The following SCHIP1 variants were observed in gnomAD, a reference collection of about 807,000 sequenced individuals.
SCHIP1 encodes the protein schwannomin interacting protein 1, also known as schwannomin-interacting protein 1.
A neutral mutation model predicts 29.7 loss-of-function variants in SCHIP1; 8 were observed. The observed-to-expected ratio is 0.27, with a 90% CI of 0.16 to 0.49. The LOEUF (loss-of-function observed/expected upper bound fraction) is 0.49, where lower values mean the gene tolerates loss of function less well. SCHIP1 is among the 20% of genes least tolerant of loss of function. The probability of loss-of-function intolerance (pLI) is 0.99; values close to 1 mark genes in which losing one functional copy is unlikely to be tolerated. For synonymous variants in SCHIP1, 76 were observed against 94.9 expected (o/e 0.80, Z 1.16); for missense variants, 193 against 294.6 (o/e 0.66, Z 2.52).
At chr3:159,588,186 T>C in the SCHIP1 span, among the ~76,000 whole-genome samples, 1 of 152,216 alleles carries the variant, frequency 6.6e-6, no homozygotes. Context: ...TGGTATCTCA[T>C]TGTGATTTTG....
chr3:159,764,910 C>T, the SCHIP1 span: 1 of 1,534,996 alleles, frequency 6.5e-7, no homozygotes, highest in Non-Finnish European at 8.7e-7. This position sits in a 1 kb window ranked among gnomAD's most constrained non-coding sequence, Gnocchi z 6.1. Flanking sequence ...GTTCCCGGGG[C>T]CCCCGCCGGG....
At chr3:159,759,362 T>C in the SCHIP1 span, among the ~76,000 whole-genome samples, 1 of 152,188 alleles carries the variant, frequency 6.6e-6, no homozygotes, top group Non-Finnish European at 1.5e-5. Context: ...GGATTTTTAA[T>C]TAGTGGAGGA....
Position 159,844,822 on chromosome 3 carries a change from A to C in SCHIP1, c.30+4608A>C, listed in dbSNP as rs79804627. On this transcript the variant is annotated intron_variant, in intron 1 of 6. Transcript: ENST00000445224. ...TCATACCTTTCTTGCCATTGCTTAAATTCCCTTATGACCGCCCCAGATATA... is the reference window on the plus strand; with the variant it reads ...TCATACCTTTCTTGCCATTGCTTAACTTCCCTTATGACCGCCCCAGATATA... Among the ~76,000 whole-genome samples the C allele has an allele frequency of 8.3e-4, 127 of 152,330 alleles. 3 individuals are homozygous for C. The East Asian group carries it at 0.019, about 23-fold the overall frequency.
the SCHIP1 span, among the ~76,000 whole-genome samples, chr3:159,766,500 C>T: frequency 6.6e-6 from 1 of 152,128 alleles, no homozygotes; most frequent in Non-Finnish European, 1.5e-5. Context: ...TAGAAAATAT[C>T]CTTTTCCCAC....
At chr3:159,566,562 G>T in the SCHIP1 span, among the ~76,000 whole-genome samples, 1 of 152,186 alleles carries the variant, frequency 6.6e-6, no homozygotes, top group Non-Finnish European at 1.5e-5. Flanking sequence ...GAATAAAGGA[G>T]CAAGGAAGAC....
At chr3:159,412,559 A>G in the SCHIP1 span, among the ~76,000 whole-genome samples, 1 of 152,176 alleles carries the variant, frequency 6.6e-6, no homozygotes, top group African/African-American at 2.4e-5. Context: ...GTGATATATA[A>G]TGATGTGTTA....
the SCHIP1 span, chr3:159,764,661 G>A: frequency 3.8e-6 from 6 of 1,596,294 alleles, no homozygotes; most frequent in Non-Finnish European, 4.3e-6. This position sits in a 1 kb window ranked among gnomAD's most constrained non-coding sequence, Gnocchi z 6.1. Context: ...AGTGGGCGCC[G>A]GAGGAGGACG....
chr3:159,872,885 A>G (rs980649941), intron 2 of SCHIP1, among the ~76,000 whole-genome samples: 3 of 152,184 alleles, frequency 2.0e-5, no homozygotes, highest in Non-Finnish European at 4.4e-5. Flanking sequence ...TATCCCTGAA[A>G]TTCTTCATTG....
the SCHIP1 span, among the ~76,000 whole-genome samples, chr3:159,607,550 G>C: frequency 3.3e-5 from 5 of 152,114 alleles, no homozygotes; most frequent in Non-Finnish European, 5.9e-5. Context: ...GAGGCTCTGG[G>C]TATCCAAGGG....
chr3:159,709,838 T>A, the SCHIP1 span, among the ~76,000 whole-genome samples: 2 of 152,300 alleles, frequency 1.3e-5, no homozygotes, highest in East Asian at 3.9e-4. Context: ...AAATATTCAT[T>A]CTCCATCTTG....
chr3:159,634,027 T>A, the SCHIP1 span, among the ~76,000 whole-genome samples: 3 of 152,166 alleles, frequency 2.0e-5, no homozygotes, highest in African/African-American at 7.2e-5. Context: ...AAAGACTGAC[T>A]ATAGATTTAA....
chr3:159,380,497 A>AATC, the SCHIP1 span, among the ~76,000 whole-genome samples: 2 of 152,196 alleles, frequency 1.3e-5, no homozygotes, highest in African/African-American at 2.4e-5. Context: ...TTCTGCTTTT[A>AATC]ATCTTCCTTA....
chr3:159,612,006 A>G, the SCHIP1 span, among the ~76,000 whole-genome samples: 47 of 152,326 alleles, frequency 3.1e-4, no homozygotes, highest in South Asian at 5.2e-3. Flanking sequence ...TAATTATTCC[A>G]GGTAAGAATG....
At chr3:159,531,360 G>A in the SCHIP1 span, among the ~76,000 whole-genome samples, 1 of 152,196 alleles carries the variant, frequency 6.6e-6, no homozygotes, top group East Asian at 1.9e-4. Context: ...TTCCTTGCAA[G>A]ACTCAAGTCT....
intron 2 of SCHIP1, among the ~76,000 whole-genome samples, chr3:159,872,140 G>A (rs1715358071): frequency 6.6e-6 from 1 of 151,872 alleles, no homozygotes; most frequent in Admixed American, 6.6e-5. Flanking sequence ...CTTTTTCTTT[G>A]TGCATATAGA....
At chr3:159,892,133 G>A (rs1314347122) in exon 6 of SCHIP1, 3 of 1,613,954 alleles carry the variant, frequency 1.9e-6, no homozygotes, top group Non-Finnish European at 1.7e-6. Context: ...CTTCTCATCC[G>A]AGATGAGCTG....
At chr3:159,834,655 C>T in the SCHIP1 span, among the ~76,000 whole-genome samples, 11 of 152,146 alleles carry the variant, frequency 7.2e-5, no homozygotes, top group Non-Finnish European at 1.6e-4. Context: ...ATCTGAAATG[C>T]TGCAAAGTCC....
the SCHIP1 span, among the ~76,000 whole-genome samples, chr3:159,328,537 T>C: frequency 2.0e-5 from 3 of 151,946 alleles, no homozygotes; most frequent in African/African-American, 7.3e-5. Flanking sequence ...TTAAAAGATA[T>C]GTAGTTTTAC....
At chr3:159,652,803 G>T in the SCHIP1 span, among the ~76,000 whole-genome samples, 4 of 152,204 alleles carry the variant, frequency 2.6e-5, no homozygotes, top group African/African-American at 9.6e-5. Context: ...TGACCATTTA[G>T]GACTAGTTTG....
Sources: allele counts gnomAD v4.1 joint callset (sites outside exome capture counted in the v4.1 genomes callset), GRCh38; gene constraint gnomAD v4.1.1; non-coding constraint Gnocchi (gnomAD v3.1); transcripts MANE v1.5; gene names NCBI Gene and HGNC (gene_info 2026-07-23, HGNC 2026-07-21).